TAPT1: variants seen among roughly 807,000 people sequenced by gnomAD.
TAPT1 encodes the protein transmembrane anterior posterior transformation 1, also known as transmembrane anterior posterior transformation protein 1 homolog.
TAPT1 carries 28 observed loss-of-function variants against 65.6 expected under a neutral mutation model. The ratio of observed to expected loss-of-function variants is 0.43; its 90% confidence interval spans 0.32 to 0.59. The LOEUF (loss-of-function observed/expected upper bound fraction) is 0.59. Among genes scored for constraint, TAPT1 ranks in the 20% least tolerant of loss-of-function variants. The pLI is 0.09. For missense variants in TAPT1, 563 were observed against 679.9 expected, an observed-to-expected ratio of 0.83 and a Z score of 1.91; for synonymous variants, 278 against 245.2, an observed-to-expected ratio of 1.13 and a Z score of -1.25.
chr4:16,205,357 G>C (rs1016665974), intron 2 of TAPT1, among the ~76,000 whole-genome samples: 34 of 152,190 alleles, frequency 2.2e-4, no homozygotes, highest in Non-Finnish European at 3.8e-4. Context: ...CGCTGGTCTA[G>C]GGTGTTAGAA....
intron 2 of TAPT1, among the ~76,000 whole-genome samples, chr4:16,206,620 C>A (rs749587834): frequency 6.6e-6 from 1 of 152,022 alleles, no homozygotes; most frequent in Admixed American, 6.6e-5. Flanking sequence ...GAGTGGTCAG[C>A]ACGAAGCACC....
At chr4:16,215,032 C>T (rs945880119) in intron 1 of TAPT1, among the ~76,000 whole-genome samples, 6 of 152,162 alleles carry the variant, frequency 3.9e-5, no homozygotes, top group African/African-American at 1.4e-4. Context: ...TGGCTCACGC[C>T]TGTAATCCCA....
intron 8 of TAPT1, 161 bp from the exon 9 acceptor site, chr4:16,176,389 G>A (rs1175225387): frequency 2.2e-6 from 1 of 464,852 alleles, no homozygotes; most frequent in African/African-American, 2.0e-5. Context: ...GAGCTATACT[G>A]TATCAAGTTA....
In TAPT1 at chr4:16,226,468, C is replaced by A; in HGVS notation, c.-11G>T. 9.5e-7 allele frequency: 1 copy of A among 1,058,094 alleles called. No homozygotes were observed. The highest frequency in any genetic ancestry group is 1.1e-6 in the Non-Finnish European group (1 of 878,824). 65.5% of individuals were successfully genotyped at this position (1,058,094 alleles called of 1,614,324 possible). Reference sequence around the variant, plus strand: ...GCCGACGCCCGCCATGTTCCGAGCACAACAAACTGTCCCCGCCGCCTCCCT... The same window carrying A: ...GCCGACGCCCGCCATGTTCCGAGCAAAACAAACTGTCCCCGCCGCCTCCCT... On this transcript the variant is annotated 5_prime_UTR_variant, in exon 1 of 14. Coordinates refer to ENST00000405303, the MANE Select transcript of TAPT1 (RefSeq NM_153365.3).
chr4:16,185,762 C>T (rs1270103028), intron 7 of TAPT1, among the ~76,000 whole-genome samples: 4 of 152,130 alleles, frequency 2.6e-5, no homozygotes, highest in East Asian at 1.9e-4. Context: ...CTCTTATCTA[C>T]GACAGGACTG....
intron 1 of TAPT1, among the ~76,000 whole-genome samples, chr4:16,222,815 GGAT>G (rs148898523): frequency 0.073 from 11,046 of 152,172 alleles, 569 homozygotes; most frequent in Middle Eastern, 0.14. Context: ...CAAAAGAGAT[GGAT>G]AATAAGTTGA....
intron 1 of TAPT1, among the ~76,000 whole-genome samples, chr4:16,217,233 G>C (rs974105836): frequency 1.3e-5 from 2 of 152,050 alleles, no homozygotes; most frequent in African/African-American, 2.4e-5. Context: ...TCATTTTCTT[G>C]TCTGGTTTTC....
intron 1 of TAPT1, among the ~76,000 whole-genome samples, chr4:16,223,791 C>T (rs537338457): frequency 9.9e-5 from 15 of 151,932 alleles, no homozygotes; most frequent in African/African-American, 3.1e-4. Context: ...AAAAAATGAA[C>T]CTCAGACACC....
intron 1 of TAPT1, among the ~76,000 whole-genome samples, chr4:16,225,340 T>G (rs1439227715): frequency 6.6e-6 from 1 of 152,214 alleles, no homozygotes; most frequent in African/African-American, 2.4e-5. Context: ...TTGCATGAAC[T>G]TCAGGAAATA....
chr4:16,205,631 C>T (rs189873814), intron 2 of TAPT1, among the ~76,000 whole-genome samples: 1 of 152,062 alleles, frequency 6.6e-6, no homozygotes, highest in African/African-American at 2.4e-5. Context: ...ATGCACACCA[C>T]AGGGAAGGAG....
Position 16,174,702 on chromosome 4 carries a change from C to A in TAPT1, c.1135G>T (p.Ala379Ser), listed in dbSNP as rs1432211055. The change falls in exon 10 of 14, where the codon GCT (alanine) becomes TCT (serine). Residue 379 changes from alanine (A) to serine (S), a missense_variant. By Grantham distance (99) the Ala-to-Ser change is moderately conservative. Around this residue, in one of 5 missense-constraint regions of TAPT1, gnomAD observed 104 missense variants for 102.5 expected, o/e 1.01. Coordinates refer to ENST00000405303, the MANE Select transcript of TAPT1 (RefSeq NM_153365.3). ...DVYSEYRASLAFDLVSSRQKN... is the reference protein window; with the variant it reads ...DVYSEYRASLSFDLVSSRQKN... ...TGTCGGCTGCTAACAAGGTCAAAAG[C>A]AAGACTGGCTCTATATTCACTGTAG... The A allele has an allele frequency of 6.3e-7, 1 of 1,593,224 alleles. No homozygotes were observed. Among genetic ancestry groups the A allele is most frequent in the Admixed American group, 1.7e-5 (1 of 57,378 alleles).
chr4:16,211,608 CT>C (rs746071239), intron 2 of TAPT1, among the ~76,000 whole-genome samples: 4 of 152,180 alleles, frequency 2.6e-5, no homozygotes, highest in African/African-American at 9.7e-5. Flanking sequence ...CCTAAAGCCT[CT>C]CTCAGGGAAA....
At chr4:16,168,705 G>GTT (rs1162463782) in intron 12 of TAPT1, among the ~76,000 whole-genome samples, 1 of 152,254 alleles carries the variant, frequency 6.6e-6, no homozygotes, top group Non-Finnish European at 1.5e-5. Context: ...TGTCAATAGA[G>GTT]TGACTTGTTT....
intron 3 of TAPT1, among the ~76,000 whole-genome samples, chr4:16,201,685 A>C (rs964853818): frequency 2.0e-5 from 3 of 152,196 alleles, no homozygotes; most frequent in African/African-American, 7.2e-5. Flanking sequence ...TACTATTCTG[A>C]GTTTTGGTAG....
intron 3 of TAPT1, among the ~76,000 whole-genome samples, chr4:16,199,813 C>T (rs1184395360): frequency 6.6e-6 from 1 of 151,992 alleles, no homozygotes; most frequent in Non-Finnish European, 1.5e-5. Context: ...CTAGTCTTAA[C>T]TCCTGGCCTC....
chr4:16,210,825 G>GT (rs959057991), intron 2 of TAPT1, among the ~76,000 whole-genome samples: 14 of 152,304 alleles, frequency 9.2e-5, no homozygotes, highest in African/African-American at 3.1e-4. Flanking sequence ...GGGTTGTAGG[G>GT]TCAGGGGAGG....
chr4:16,200,823 G>C (rs1749985836), intron 3 of TAPT1, among the ~76,000 whole-genome samples: 1 of 152,134 alleles, frequency 6.6e-6, no homozygotes, highest in Non-Finnish European at 1.5e-5. Context: ...GTTTATTGTG[G>C]TTAGGTTTTG....
chr4:16,202,682 A>T, intron 2 of TAPT1, 102 bp from the exon 3 acceptor site: 1 of 637,866 alleles, frequency 1.6e-6, no homozygotes, highest in Non-Finnish European at 2.6e-6. Context: ...TAAAAAATTA[A>T]TTTCTTAAAA....
At chr4:16,221,703 T>C (rs1334394084) in intron 1 of TAPT1, among the ~76,000 whole-genome samples, 1 of 152,178 alleles carries the variant, frequency 6.6e-6, no homozygotes, top group Non-Finnish European at 1.5e-5. Flanking sequence ...ATTTAAAAAT[T>C]TGGAAAGTAA....
Sources: gnomAD v4.1 joint callset for allele counts (sites outside exome capture counted in the v4.1 genomes callset) on GRCh38, gnomAD v4.1.1 for gene constraint, gnomAD v4.1.1 regional missense constraint, MANE v1.5 for transcripts, NCBI Gene and HGNC (gene_info 2026-07-23, HGNC 2026-07-21) for gene names.